The following SPAG17 variants were observed in gnomAD, a reference collection of about 807,000 sequenced individuals.
SPAG17 encodes the protein sperm associated antigen 17.
A neutral mutation model predicts 273.6 loss-of-function variants in SPAG17; 169 were observed. The observed-to-expected ratio is 0.62, with a 90% CI of 0.55 to 0.70. SPAG17 has a LOEUF of 0.70. Among genes scored for constraint, SPAG17 ranks in the 30% least tolerant of loss-of-function variants. SPAG17 has a pLI of 0.00. For synonymous variants in SPAG17, 825 were observed against 873.2 expected (o/e 0.94, Z 0.97); for missense variants, 2,557 against 2,627.8 (o/e 0.97, Z 0.59).
At chr1:118,051,280 T>G (rs990934754) in intron 20 of SPAG17, among the ~76,000 whole-genome samples, 1 of 152,036 alleles carries the variant, frequency 6.6e-6, no homozygotes, top group Non-Finnish European at 1.5e-5. Flanking sequence ...AGAACCATGG[T>G]ACACTGATGA....
chr1:118,030,478 C>CATAGGTAT (rs1383692321), intron 25 of SPAG17, among the ~76,000 whole-genome samples: 7 of 151,630 alleles, frequency 4.6e-5, no homozygotes, highest in Non-Finnish European at 1.0e-4. Flanking sequence ...AGGTTTGTTA[C>CATAGGTAT]ATAGGTATAT....
intron 4 of SPAG17, among the ~76,000 whole-genome samples, chr1:118,106,317 G>T (rs950992245): frequency 6.6e-6 from 1 of 152,000 alleles, no homozygotes; most frequent in African/African-American, 2.4e-5. Context: ...AACTACAATA[G>T]GTAGAGCACC....
At position 118,023,323 on chromosome 1, in the gene SPAG17, C is replaced by G. The variant is rs750475886; in HGVS notation, c.4050G>C (p.Glu1350Asp). The change falls in exon 28 of 49, where the codon GAG (glutamate) becomes GAC (aspartate). Residue 1350 changes from glutamate to aspartate, a missense_variant. By Grantham distance (45) the Glu-to-Asp change is conservative. Transcript: ENST00000336338. Reference protein sequence around the residue: ...SQQKSETIPSEITNTKKGKSH... With the variant: ...SQQKSETIPSDITNTKKGKSH... ...TGTTACCTTTCTTTGTGTTGGTAATCTCAGATGGTATCGTTTCTGATTTCT... is the reference window on the plus strand; with the variant it reads ...TGTTACCTTTCTTTGTGTTGGTAATGTCAGATGGTATCGTTTCTGATTTCT... The G allele has an allele frequency of 2.4e-5, 38 of 1,611,034 alleles. No homozygotes were observed. The East Asian group carries it at 8.0e-4, about 34-fold the overall frequency.
intron 20 of SPAG17, among the ~76,000 whole-genome samples, chr1:118,047,813 C>G (rs1263515056): frequency 6.6e-6 from 1 of 151,890 alleles, no homozygotes; most frequent in Non-Finnish European, 1.5e-5. Context: ...ATAGACCCAG[C>G]CTCCAGGCTG....
intron 41 of SPAG17, among the ~76,000 whole-genome samples, chr1:117,984,332 T>G (rs1184125564): frequency 6.6e-6 from 1 of 152,186 alleles, no homozygotes; most frequent in East Asian, 1.9e-4. Flanking sequence ...AAATTTTAAC[T>G]GAATAAAAAC....
At chr1:118,078,644 A>C (rs1038552378) in intron 15 of SPAG17, among the ~76,000 whole-genome samples, 2 of 152,048 alleles carry the variant, frequency 1.3e-5, no homozygotes, top group African/African-American at 2.4e-5. Context: ...TTTATAGTGG[A>C]TATTCTCCTG....
chr1:118,024,526 T>C (rs1324821295), intron 27 of SPAG17, among the ~76,000 whole-genome samples: 1 of 152,188 alleles, frequency 6.6e-6, no homozygotes, highest in Non-Finnish European at 1.5e-5. Flanking sequence ...TTGCTTTCTT[T>C]CCAAGATTTA....
chr1:118,003,457 A>C (rs1658534438), intron 32 of SPAG17, among the ~76,000 whole-genome samples: 2 of 152,224 alleles, frequency 1.3e-5, no homozygotes, highest in South Asian at 4.1e-4. Flanking sequence ...TTTCAGGTCC[A>C]TCAGTCAAAC....
chr1:117,999,667 T>A (rs1410681125), intron 32 of SPAG17, among the ~76,000 whole-genome samples: 1 of 152,128 alleles, frequency 6.6e-6, no homozygotes, highest in Non-Finnish European at 1.5e-5. Flanking sequence ...CACTTTTTGA[T>A]GGGGTTGTTT....
intron 7 of SPAG17, among the ~76,000 whole-genome samples, chr1:118,094,581 T>C (rs953885601): frequency 2.0e-5 from 3 of 152,232 alleles, no homozygotes; most frequent in African/African-American, 7.2e-5. Flanking sequence ...TATGAAGCCA[T>C]TATCAATTTA....
chr1:118,133,813 G>C (rs1425289356), intron 3 of SPAG17, among the ~76,000 whole-genome samples: 1 of 152,076 alleles, frequency 6.6e-6, no homozygotes, highest in African/African-American at 2.4e-5. Flanking sequence ...TATCTGTTGT[G>C]AAATTACTTA....
At chr1:118,175,756 G>A (rs1009049996) in intron 1 of SPAG17, among the ~76,000 whole-genome samples, 1 of 151,996 alleles carries the variant, frequency 6.6e-6, no homozygotes, top group African/African-American at 2.4e-5. Flanking sequence ...AAAAACTAAT[G>A]TGTAAAAAGA....
intron 4 of SPAG17, among the ~76,000 whole-genome samples, chr1:118,108,893 T>C (rs1466269867): frequency 6.6e-6 from 1 of 152,114 alleles, no homozygotes; most frequent in Non-Finnish European, 1.5e-5. Context: ...GTGACACCTA[T>C]CTAGAACACT....
chr1:118,056,987 T>A (rs561576035), intron 18 of SPAG17, among the ~76,000 whole-genome samples: 1 of 151,820 alleles, frequency 6.6e-6, no homozygotes, highest in Non-Finnish European at 1.5e-5. Flanking sequence ...TTTCTTTTTT[T>A]TTTTTGAGAC....
chr1:117,995,395 C>A (rs528634025), intron 34 of SPAG17, among the ~76,000 whole-genome samples: 1 of 152,150 alleles, frequency 6.6e-6, no homozygotes, highest in African/African-American at 2.4e-5. Flanking sequence ...TGTTTTAGTT[C>A]ACCATTGTAT....
chr1:118,085,707 T>C (rs1654942982), intron 13 of SPAG17, among the ~76,000 whole-genome samples: 1 of 152,192 alleles, frequency 6.6e-6, no homozygotes, highest in African/African-American at 2.4e-5. Flanking sequence ...AACCCCAGTG[T>C]ATCAAATTGA....
chr1:118,105,517 G>C (rs974740655), intron 4 of SPAG17, among the ~76,000 whole-genome samples: 19 of 152,148 alleles, frequency 1.2e-4, no homozygotes, highest in African/African-American at 4.6e-4. Flanking sequence ...GGAATCAAGA[G>C]TAAGCAGAGA....
intron 4 of SPAG17, among the ~76,000 whole-genome samples, chr1:118,106,669 G>A (rs1448871373): frequency 6.6e-6 from 1 of 152,044 alleles, no homozygotes; most frequent in Non-Finnish European, 1.5e-5. Context: ...AAAATCTCAG[G>A]GTGATCTTTT....
chr1:118,068,354 T>G (rs1436632415), intron 17 of SPAG17, among the ~76,000 whole-genome samples: 3 of 152,108 alleles, frequency 2.0e-5, no homozygotes, highest in Non-Finnish European at 4.4e-5. Context: ...TCTTTGCATT[T>G]TAAAATATTG....
Sources: gnomAD v4.1 joint callset for allele counts (sites outside exome capture counted in the v4.1 genomes callset) on GRCh38, gnomAD v4.1.1 for gene constraint, MANE v1.5 for transcripts, NCBI Gene and HGNC (gene_info 2026-07-23, HGNC 2026-07-21) for gene names.